NLRP1: variants seen among roughly 807,000 people sequenced by gnomAD.
NLRP1 encodes the protein NACHT, LRR and PYD domains-containing protein 1.
A neutral mutation model predicts 136.7 loss-of-function variants in NLRP1; 94 were observed. That is an observed-to-expected ratio of 0.69 (90% CI 0.58 to 0.82). NLRP1 has a LOEUF of 0.82. NLRP1 is among the 40% of genes least tolerant of loss of function. The pLI is 0.00. For synonymous variants in NLRP1, 690 were observed against 725.1 expected, an observed-to-expected ratio of 0.95 and a Z score of 0.78; for missense variants, 1,575 against 1,802.7, an observed-to-expected ratio of 0.87 and a Z score of 2.29.
downstream of NLRP1, among the ~76,000 whole-genome samples, chr17:5,513,587 A>G (rs989401441): frequency 2.6e-5 from 4 of 152,248 alleles, no homozygotes; most frequent in African/African-American, 9.6e-5. Flanking sequence ...TGGAGTCCCT[A>G]TAAGTCATTC....
chr17:5,570,942 C>A (rs1915801626), intron 3 of NLRP1, among the ~76,000 whole-genome samples: 1 of 152,166 alleles, frequency 6.6e-6, no homozygotes, highest in Non-Finnish European at 1.5e-5. Context: ...CTCTGGGATG[C>A]ATGTTTGATT....
At chr17:5,572,617 G>A (rs1904505574) in intron 3 of NLRP1, among the ~76,000 whole-genome samples, 1 of 151,548 alleles carries the variant, frequency 6.6e-6, no homozygotes. Context: ...GGGTGAGGCA[G>A]GAGAATCCCT....
At chr17:5,544,966 G>T (rs1179963313) in intron 5 of NLRP1, among the ~76,000 whole-genome samples, 1 of 152,124 alleles carries the variant, frequency 6.6e-6, no homozygotes, top group Non-Finnish European at 1.5e-5. Context: ...CTGTGTGTGA[G>T]GGGGAAGGAG....
chr17:5,543,813 A>G (rs962437697), intron 5 of NLRP1, among the ~76,000 whole-genome samples: 14 of 152,274 alleles, frequency 9.2e-5, no homozygotes, highest in Admixed American at 5.9e-4. Context: ...AGTGGAGTCC[A>G]GGGAGGCCTC....
At chr17:5,576,213 G>T (rs1338549936) in intron 3 of NLRP1, among the ~76,000 whole-genome samples, 1 of 152,132 alleles carries the variant, frequency 6.6e-6, no homozygotes, top group Admixed American at 6.5e-5. Context: ...ACAATAGAAA[G>T]AACTAGAAAA....
At chr17:5,581,298 G>T (rs1039828573) in intron 3 of NLRP1, among the ~76,000 whole-genome samples, 1 of 152,228 alleles carries the variant, frequency 6.6e-6, no homozygotes, top group Non-Finnish European at 1.5e-5. Flanking sequence ...GCGTGAGAGA[G>T]AGTGAAGGCT....
intron 4 of NLRP1, 102 bp downstream of exon 4, chr17:5,558,237 C>G (rs1410722555): frequency 3.0e-6 from 4 of 1,321,860 alleles, no homozygotes; most frequent in Non-Finnish European, 3.1e-6. Flanking sequence ...TTTAGCCACC[C>G]CCACCCCCGG....
At chr17:5,577,158 A>C (rs1338363808) in intron 3 of NLRP1, among the ~76,000 whole-genome samples, 1 of 152,246 alleles carries the variant, frequency 6.6e-6, no homozygotes, top group Non-Finnish European at 1.5e-5. Flanking sequence ...CCAATATCAT[A>C]CTGAATGGGC....
At chr17:5,574,011 G>C (rs751141488) in intron 3 of NLRP1, among the ~76,000 whole-genome samples, 1 of 152,200 alleles carries the variant, frequency 6.6e-6, no homozygotes, top group Non-Finnish European at 1.5e-5. Context: ...ACTTCTCCGA[G>C]CTAAAGGAGG....
intron 5 of NLRP1, among the ~76,000 whole-genome samples, chr17:5,544,392 G>T (rs1023586576): frequency 1.3e-5 from 2 of 152,206 alleles, no homozygotes; most frequent in African/African-American, 4.8e-5. Context: ...ACCCTGGAGG[G>T]TCTCCCATCT....
chr17:5,516,619 G>C (rs1407675317), intron 15 of NLRP1, among the ~76,000 whole-genome samples: 1 of 152,134 alleles, frequency 6.6e-6, no homozygotes, highest in African/African-American at 2.4e-5. Flanking sequence ...ACATCGCTTT[G>C]TTTAATCTTT....
In NLRP1 at chr17:5,531,137, CT is replaced by C. The variant is rs200298792; in HGVS notation, c.3297-434del. Among the ~76,000 whole-genome samples, 1,634 of 130,616 alleles carry C rather than the reference CT, an allele frequency of 0.013. 124 individuals carry two copies. The South Asian group carries it at 0.18, about 14-fold the overall frequency. The allele number at this position is 130,616 out of a possible 152,430, so 85.7% of individuals were successfully genotyped here. A position where few individuals can be genotyped will look rare whatever the true frequency, so the allele number is the denominator to read the frequency against. ...TATGTGCTAAGATTATCTGTCTTGT[CT>C]TGTCTGTCTATCTATCTATCTATCT... On this transcript the variant is annotated intron_variant, in intron 11 of 16. Transcript: ENST00000572272.
At chr17:5,554,979 G>A (rs1056056216) in intron 4 of NLRP1, among the ~76,000 whole-genome samples, 42 of 150,556 alleles carry the variant, frequency 2.8e-4, no homozygotes, top group African/African-American at 9.6e-4. Flanking sequence ...GTATGGTCAT[G>A]CCACTGCACT....
intron 3 of NLRP1, among the ~76,000 whole-genome samples, chr17:5,572,711 G>GAAAAAAA (rs35389652): frequency 1.8e-5 from 2 of 113,762 alleles, no homozygotes. Flanking sequence ...CTTTGTCTCA[G>GAAAAAAA]AAAAAAAAAA....
chr17:5,537,337 CA>C lies in NLRP1; in HGVS notation c.2871-398del, dbSNP rs1419110825. 1.3e-5 allele frequency among the ~76,000 whole-genome samples: 2 copies of C among 152,206 alleles called. No individual in the cohort carries two copies. The highest frequency in any genetic ancestry group is 2.9e-5 in the Non-Finnish European group (2 of 68,030). ...CCTTGGGTGAGGTGGCTCTCACTGG[CA>C]GAGGCTGTCTCTACAGCCGGCTGCC... On this transcript the variant is annotated intron_variant, in intron 7 of 16. Coordinates refer to ENST00000572272, the MANE Select transcript of NLRP1 (RefSeq NM_033004.4). This position sits in a 1 kb window ranked among gnomAD's most constrained non-coding sequence, Gnocchi z 4.5.
At chr17:5,565,168 G>A (rs1915196950) in intron 3 of NLRP1, among the ~76,000 whole-genome samples, 1 of 152,068 alleles carries the variant, frequency 6.6e-6, no homozygotes, top group Non-Finnish European at 1.5e-5. Context: ...CCTGTCTTTT[G>A]GATAAAAGCC....
At chr17:5,513,934 C>T (rs930338146), downstream of NLRP1, among the ~76,000 whole-genome samples, 1 of 152,142 alleles carries the variant, frequency 6.6e-6, no homozygotes, top group Non-Finnish European at 1.5e-5. Flanking sequence ...TGACAGTTTA[C>T]GAACGCCATG....
chr17:5,519,349 T>C (rs1908587844), intron 14 of NLRP1, among the ~76,000 whole-genome samples: 1 of 152,072 alleles, frequency 6.6e-6, no homozygotes, highest in Non-Finnish European at 1.5e-5. Context: ...TTTTGCCATC[T>C]TGGCCAGGCT....
intron 16 of NLRP1, 106 bp from the exon 17 acceptor site, chr17:5,515,179 GA>G: frequency 9.2e-7 from 1 of 1,082,564 alleles, no homozygotes; most frequent in South Asian, 1.5e-5. Context: ...TCTGCCTCCA[GA>G]AATGCACCTG....
Sources: gnomAD v4.1 joint callset for allele counts (sites outside exome capture counted in the v4.1 genomes callset) on GRCh38, gnomAD v4.1.1 for gene constraint, Gnocchi (gnomAD v3.1) non-coding constraint, MANE v1.5 for transcripts, NCBI Gene and HGNC (gene_info 2026-07-23, HGNC 2026-07-21) for gene names.